The following LAMA3 variants were observed in gnomAD, a reference collection of about 807,000 sequenced individuals.
LAMA3 encodes the protein laminin subunit alpha 3.
A neutral mutation model predicts 402.0 loss-of-function variants in LAMA3; 281 were observed. The ratio of observed to expected loss-of-function variants is 0.70; its 90% CI spans 0.63 to 0.77. The LOEUF (loss-of-function observed/expected upper bound fraction) is 0.77, where lower values mean the gene tolerates loss of function less well. Ranked by LOEUF, LAMA3 falls within the 30% of genes least tolerant of loss-of-function variation. LAMA3 has a pLI of 0.00. For synonymous variants in LAMA3, 1,431 were observed against 1,558.4 expected, an observed-to-expected ratio of 0.92 and a Z score of 1.93; for missense variants, 3,840 against 4,215.5, an observed-to-expected ratio of 0.91 and a Z score of 2.47.
At chr18:23,815,089 C>A in intron 15 of LAMA3, 99 bp from the exon 16 acceptor site, 1 of 1,061,066 alleles carries the variant, frequency 9.4e-7, no homozygotes, top group Non-Finnish European at 1.5e-6. Flanking sequence ...GCTGGCAAGG[C>A]CAACTGCACA....
chr18:23,748,880 A>C (rs2061697823), intron 3 of LAMA3, among the ~76,000 whole-genome samples: 1 of 151,984 alleles, frequency 6.6e-6, no homozygotes, highest in African/African-American at 2.4e-5. Context: ...TGAAGTAGAA[A>C]CTCCTTTTAT....
intron 41 of LAMA3, 68 bp downstream of exon 41, chr18:23,884,921 G>A (rs2065022019): frequency 3.2e-6 from 4 of 1,246,946 alleles, no homozygotes; most frequent in East Asian, 2.4e-5. Context: ...GGGGCTGCCA[G>A]GTGCTGGCAC....
intron 7 of LAMA3, among the ~76,000 whole-genome samples, chr18:23,762,632 C>T (rs776279920): frequency 8.6e-5 from 13 of 151,980 alleles, no homozygotes; most frequent in African/African-American, 1.2e-4. Flanking sequence ...ATAGCTGCCC[C>T]GACACACTTC....
rs113226818 is a variant in LAMA3, at chr18:23,904,795, T to G, written c.6615+101T>G. 14 of 1,288,788 alleles carry G rather than the reference T, an allele frequency of 1.1e-5. No homozygotes were observed. The African/African-American group carries it at 1.3e-4, about 12-fold the overall frequency. The allele number at this position is 1,288,788 out of a possible 1,614,324, so 79.8% of individuals were successfully genotyped here. A position where few individuals can be genotyped will look rare whatever the true frequency, so the allele number is the denominator to read the frequency against. On this transcript the variant is annotated intron_variant, in intron 51 of 74. Transcript: ENST00000313654. ...CCAAGGAATAGAAACAAAGCATTAT[T>G]TTAAATCAGAACTTGTTGTATAGAA... is the stretch of plus-strand genomic sequence containing the variant.
chr18:23,878,505 C>G (rs2064795482), intron 39 of LAMA3, among the ~76,000 whole-genome samples: 1 of 152,232 alleles, frequency 6.6e-6, no homozygotes, highest in African/African-American at 2.4e-5. Flanking sequence ...CTCACACACA[C>G]ACGCACACAC....
chr18:23,763,466 G>A lies in LAMA3; in HGVS notation c.1125G>A (p.Gln375=). 6.2e-7 allele frequency: 1 copy of A among 1,614,048 alleles called. No individual in the cohort carries two copies. Among genetic ancestry groups the A allele is most frequent in the African/African-American group, 1.3e-5 (1 of 75,042 alleles). The change falls in exon 8 of 75, where the codon CAG becomes CAA. Residue 375 remains glutamine, a synonymous_variant. Coordinates refer to ENST00000313654, the MANE Select transcript of LAMA3 (RefSeq NM_198129.4). ...CYYDPDVERQ[Q]ASLNTQGIYA... Reference sequence around the variant, plus strand: ...ATGATCCAGATGTTGAGCGGCAGCAGGCAAGCTTGAATACCCAGGGCATCT... The same window carrying A: ...ATGATCCAGATGTTGAGCGGCAGCAAGCAAGCTTGAATACCCAGGGCATCT...
chr18:23,920,058 G>GA (rs1462697576), intron 60 of LAMA3, among the ~76,000 whole-genome samples: 3 of 151,578 alleles, frequency 2.0e-5, no homozygotes, highest in Non-Finnish European at 2.9e-5. Context: ...GGATGAGAAA[G>GA]AAAAAAAATG....
chr18:23,895,010 GCTT>G lies in LAMA3; in HGVS notation c.5568_5570del (p.Leu1857del). ...TGCAGGGCCTGAGTGCCAGCGCAGG[GCTT>G]CTGGAGCAGATGAGGCACATGGAGA... is the stretch of plus-strand genomic sequence containing the variant. On this transcript the variant is annotated inframe_deletion, in exon 44 of 75. Coordinates refer to ENST00000313654, the MANE Select transcript of LAMA3 (RefSeq NM_198129.4). 3 of 1,612,160 alleles carry G rather than the reference GCTT, an allele frequency of 1.9e-6. No homozygotes were observed. Among genetic ancestry groups the G allele is most frequent in the Non-Finnish European group, 2.5e-6 (3 of 1,179,126 alleles).
chr18:23,858,498 C>T (rs766249096), intron 33 of LAMA3, among the ~76,000 whole-genome samples, 191 bp from the exon 34 acceptor site: 1 of 152,160 alleles, frequency 6.6e-6, no homozygotes. Flanking sequence ...TTCTCTCCTC[C>T]ATTTGTGTGT....
chr18:23,860,834 C>T (rs1263412648), intron 34 of LAMA3, among the ~76,000 whole-genome samples: 1 of 151,652 alleles, frequency 6.6e-6, no homozygotes, highest in Non-Finnish European at 1.5e-5. Flanking sequence ...GCTGGAATTA[C>T]AGGCATGCCC....
At chr18:23,713,895 A>G in intron 1 of LAMA3, 25 bp from the exon 2 acceptor site, 1 of 1,605,724 alleles carries the variant, frequency 6.2e-7, no homozygotes. Context: ...CAAAAAACAA[A>G]AAAAACCCAC....
chr18:23,890,539 T>A (rs2145016426), intron 42 of LAMA3, among the ~76,000 whole-genome samples: 1 of 152,254 alleles, frequency 6.6e-6, no homozygotes, highest in East Asian at 1.9e-4. Flanking sequence ...TGTTCTGGGA[T>A]GTGGGTGGGT....
intron 2 of LAMA3, among the ~76,000 whole-genome samples, chr18:23,733,870 C>T (rs767697446): frequency 2.6e-5 from 4 of 152,144 alleles, no homozygotes; most frequent in Non-Finnish European, 5.9e-5. Flanking sequence ...ATCAGTACTT[C>T]CTGCTGATCT....
intron 27 of LAMA3, among the ~76,000 whole-genome samples, chr18:23,841,038 T>C (rs1271937657): frequency 6.6e-6 from 1 of 152,188 alleles, no homozygotes. Flanking sequence ...ATCTCAAAGA[T>C]GGTTTGCATG....
chr18:23,723,827 C>A (rs2061253022), intron 2 of LAMA3, among the ~76,000 whole-genome samples: 1 of 151,720 alleles, frequency 6.6e-6, no homozygotes, highest in African/African-American at 2.4e-5. Flanking sequence ...CAGAATAGTG[C>A]CTTACATGCT....
At chr18:23,911,794 T>G (rs1200371011) in intron 55 of LAMA3, among the ~76,000 whole-genome samples, 1 of 147,126 alleles carries the variant, frequency 6.8e-6, no homozygotes, top group Non-Finnish European at 1.5e-5. Flanking sequence ...TATGCATATA[T>G]ATTTAATTAT....
At position 23,946,187 on chromosome 18, in the gene LAMA3, A is replaced by G. The variant is rs1187356968; in HGVS notation, c.9254A>G (p.Asp3085Gly). ...HDGEKGRLVVDGLRAREGSLP... is the reference protein window; with the variant it reads ...HDGEKGRLVVGGLRAREGSLP... ...GGGGAAAAGGGGCGCTTGGTTGTGG[A>G]TGGACTGAGGGCCCGGGAGGGAAGT... The change falls in exon 70 of 75, where the codon GAT (aspartate) becomes GGT (glycine). Residue 3085 changes from aspartate to glycine, a missense_variant. Physicochemically the swap from Asp to Gly is moderately conservative, Grantham distance 94. Around this residue, in one of 3 missense-constraint regions of LAMA3, gnomAD observed 840 missense variants for 981.9 expected, o/e 0.86. Transcript: ENST00000313654. The G allele has an allele frequency of 1.9e-6, 3 of 1,613,970 alleles. No individual in the cohort carries two copies. Among genetic ancestry groups the G allele is most frequent in the Non-Finnish European group, 1.7e-6 (2 of 1,179,970 alleles).
At position 23,810,473 on chromosome 18, in the gene LAMA3, TCAGGAGCTTATGATTTCCCCCA is replaced by T. The variant is rs772291485; in HGVS notation, c.1713_1734del (p.Gly572AlafsTer61). ...AGGACAGCGGTGTGACAGGTGTCTCTCAGGAGCTTATGATTTCCCCCACTGCCAAGGTAGGAAAGTCAGCAGA... is the reference window on the plus strand; with the variant it reads ...AGGACAGCGGTGTGACAGGTGTCTCTCTGCCAAGGTAGGAAAGTCAGCAGA... On this transcript the variant is annotated frameshift_variant, in exon 13 of 75. Coordinates refer to ENST00000313654, the MANE Select transcript of LAMA3 (RefSeq NM_198129.4). LOFTEE classifies it high-confidence loss of function. The T allele has an allele frequency of 1.2e-6, 2 of 1,613,994 alleles. No individual in the cohort carries two copies. Among genetic ancestry groups the T allele is most frequent in the South Asian group, 1.1e-5 (1 of 91,076 alleles).
At chr18:23,893,765 A>T (rs1012530942) in intron 42 of LAMA3, among the ~76,000 whole-genome samples, 1 of 152,102 alleles carries the variant, frequency 6.6e-6, no homozygotes, top group African/African-American at 2.4e-5. Context: ...TTTTGTCTTG[A>T]TATCTTTGTA....
Sources: gnomAD v4.1 joint callset for allele counts (sites outside exome capture counted in the v4.1 genomes callset) on GRCh38, gnomAD v4.1.1 for gene constraint, gnomAD v4.1.1 regional missense constraint, MANE v1.5 for transcripts, NCBI Gene and HGNC (gene_info 2026-07-23, HGNC 2026-07-21) for gene names.